The following CMIP variants were observed in gnomAD, a reference collection of about 807,000 sequenced individuals.
CMIP encodes C-Maf-inducing protein.
A neutral mutation model predicts 97.3 loss-of-function variants in CMIP; 13 were observed. The observed-to-expected ratio is 0.13, with a 90% CI of 0.09 to 0.21. The LOEUF (loss-of-function observed/expected upper bound fraction) is 0.21, where lower values mean the gene tolerates loss of function less well. Among genes scored for constraint, CMIP ranks in the 10% least tolerant of loss-of-function variants. The pLI is 1.00. For missense variants in CMIP, 847 were observed against 1,024.9 expected (o/e 0.83, Z 2.37); for synonymous variants, 538 against 436.3 (o/e 1.23, Z -2.91).
Position 81,696,635 on chromosome 16 carries a change from T to C in CMIP, c.1606T>C (p.Cys536Arg). ...GCTCTACAGCCCCGGAGGGGTGGCC[T>C]GCGACGATGACGGGGAGCTGTTCGC... ...FQLYSPGGVACDDDGELFASM... is the reference protein window; with the variant it reads ...FQLYSPGGVARDDDGELFASM... Residue 536 changes from cysteine (C) to arginine (R), a missense_variant, in exon 14 of 21, where the codon TGC (cysteine) becomes CGC (arginine). Cys to Arg is a radical substitution (Grantham distance 180). Transcript: ENST00000537098. 6.2e-7 allele frequency: 1 copy of C among 1,607,130 alleles called. No individual in the cohort carries two copies.
rs566945939 is a variant in CMIP, at chr16:81,545,084, C to G, written c.301-62483C>G. Among the ~76,000 whole-genome samples, 361 of 152,274 alleles carry G rather than the reference C, an allele frequency of 2.4e-3. 2 individuals carry two copies. The highest frequency in any genetic ancestry group is 3.7e-3 in the Non-Finnish European group (252 of 68,016). The stretch of plus-strand genomic sequence containing the variant: ...GCCCATGATCTTGTAAACTCCTAGA[C>G]TCCTAGAAGATGCCAGGCCCACAGC... On this transcript the variant is annotated intron_variant, in intron 1 of 20. Coordinates refer to ENST00000537098, the MANE Select transcript of CMIP (RefSeq NM_198390.3).
In CMIP at chr16:81,564,095, C is replaced by T. The variant is rs148905330; in HGVS notation, c.301-43472C>T. Among the ~76,000 whole-genome samples, 871 of 152,352 alleles carry T rather than the reference C, an allele frequency of 5.7e-3. 7 individuals carry two copies. Among genetic ancestry groups the T allele is most frequent in the Non-Finnish European group, 9.8e-3 (668 of 68,028 alleles). On this transcript the variant is annotated intron_variant, in intron 1 of 20. Transcript: ENST00000537098. ...TGATATATGTGGTCTGAAAAAGCCA[C>T]TGGGGCAGGTAGGACAGAAGCAGGT...
intron 3 of CMIP, among the ~76,000 whole-genome samples, chr16:81,647,763 T>A (rs1453309189): frequency 6.6e-6 from 1 of 152,042 alleles, no homozygotes; most frequent in Admixed American, 6.5e-5. Context: ...TGAGGCATGC[T>A]AATTTGTCAC....
In CMIP at chr16:81,583,178, G is replaced by A. The variant is rs555217098; in HGVS notation, c.301-24389G>A. ...GAAGGAATTGTTCCTGGGGTTGCAA[G>A]GGAGTTGCTGCCAACATCTGGCCTG... On this transcript the variant is annotated intron_variant, in intron 1 of 20. Transcript: ENST00000537098. 9.3e-4 allele frequency among the ~76,000 whole-genome samples: 142 copies of A among 152,346 alleles called. 1 individual carries two copies. The highest frequency in any genetic ancestry group is 3.4e-3 in the African/African-American group (141 of 41,588).
At chr16:81,493,812 A>C (rs1287159190) in intron 1 of CMIP, among the ~76,000 whole-genome samples, 1 of 152,208 alleles carries the variant, frequency 6.6e-6, no homozygotes, top group Non-Finnish European at 1.5e-5. Flanking sequence ...CTGCTGGCTC[A>C]CACAGCAGCC....
intron 1 of CMIP, among the ~76,000 whole-genome samples, chr16:81,534,294 C>G (rs1364358347): frequency 6.6e-6 from 1 of 152,150 alleles, no homozygotes; most frequent in Non-Finnish European, 1.5e-5. Flanking sequence ...ATTCACTGCC[C>G]TCATTTTATG....
intron 1 of CMIP, 53 bp from the exon 2 acceptor site, chr16:81,607,514 A>ATGCC: frequency 1.9e-6 from 3 of 1,598,084 alleles, no homozygotes; most frequent in Non-Finnish European, 2.6e-6. Context: ...TGCGGACGTC[A>ATGCC]TGCCTGCTAC....
At chr16:81,477,628 A>G (rs973955188) in intron 1 of CMIP, among the ~76,000 whole-genome samples, 1 of 152,224 alleles carries the variant, frequency 6.6e-6, no homozygotes, top group African/African-American at 2.4e-5. Flanking sequence ...ATCATATAAT[A>G]TTTAAAAATG....
intron 1 of CMIP, among the ~76,000 whole-genome samples, chr16:81,584,715 A>T (rs1334838980): frequency 1.1e-4 from 16 of 152,148 alleles, no homozygotes; most frequent in Admixed American, 7.9e-4. Flanking sequence ...AATTATCAAC[A>T]CATCGTGAGA....
chr16:81,508,781 T>A (rs950729732), intron 1 of CMIP, among the ~76,000 whole-genome samples: 6 of 152,230 alleles, frequency 3.9e-5, no homozygotes, highest in Non-Finnish European at 7.3e-5. Flanking sequence ...CAGAATGATC[T>A]GATCATGCCT....
intron 1 of CMIP, among the ~76,000 whole-genome samples, chr16:81,587,264 C>T (rs953550440): frequency 6.6e-6 from 1 of 152,232 alleles, no homozygotes. Context: ...TCTGATGGGG[C>T]CGCCCATTCC....
Position 81,620,737 on chromosome 16 carries a change from TC to T in CMIP, c.427-138del. On this transcript the variant is annotated intron_variant, in intron 2 of 20. Coordinates refer to ENST00000537098, the MANE Select transcript of CMIP (RefSeq NM_198390.3). ...CACACAACAGGCTCAGCTTAGCATA[TC>T]TTTCAGCAGGCTTGTTAGGGTCACA... is the stretch of plus-strand genomic sequence containing the variant. 3 of 964,040 alleles carry T rather than the reference TC, an allele frequency of 3.1e-6. 1 individual carries two copies. The South Asian group carries it at 4.9e-5, about 16-fold the overall frequency. 59.7% of individuals were successfully genotyped at this position (964,040 alleles called of 1,614,324 possible).
intron 1 of CMIP, among the ~76,000 whole-genome samples, chr16:81,477,458 G>A (rs931511920): frequency 2.6e-5 from 4 of 152,184 alleles, no homozygotes; most frequent in African/African-American, 7.2e-5. Context: ...ACCGCACCTA[G>A]CCTGAATTCT....
chr16:81,546,709 ATCAT>A (rs1216399854), intron 1 of CMIP, among the ~76,000 whole-genome samples: 2 of 152,162 alleles, frequency 1.3e-5, no homozygotes, highest in East Asian at 1.9e-4. Flanking sequence ...CTGTTCACTC[ATCAT>A]TCATTCATTC....
chr16:81,650,503 C>T (rs749244301), intron 3 of CMIP, among the ~76,000 whole-genome samples: 18 of 151,518 alleles, frequency 1.2e-4, no homozygotes, highest in Non-Finnish European at 1.9e-4. Context: ...GAATGAAAAC[C>T]GTCTTTGGTG....
At position 81,707,137 on chromosome 16, in the gene CMIP, C is replaced by G; in HGVS notation, c.2268+53C>G. On this transcript the variant is annotated intron_variant, in intron 20 of 20. Transcript: ENST00000537098. ...CTCCCCTCCTTCTTCTAGCCAGCAT[C>G]TGGATGCTGGTGCATCTCCTGCACA... The G allele has an allele frequency of 3.4e-6, 5 of 1,475,576 alleles. 1 individual carries two copies. The South Asian group carries it at 4.5e-5, about 13-fold the overall frequency. 91.4% of individuals were successfully genotyped at this position (1,475,576 alleles called of 1,614,324 possible). A position where few individuals can be genotyped will look rare whatever the true frequency, so the allele number is the denominator to read the frequency against.
intron 1 of CMIP, among the ~76,000 whole-genome samples, chr16:81,465,058 TGG>T (rs1469956539): frequency 1.3e-5 from 2 of 152,250 alleles, no homozygotes. Context: ...TTGGTTCTTT[TGG>T]ATATACATCT....
intron 1 of CMIP, among the ~76,000 whole-genome samples, chr16:81,565,566 C>T (rs1325197368): frequency 6.6e-6 from 1 of 152,222 alleles, no homozygotes; most frequent in South Asian, 2.1e-4. Context: ...TATCGGTGGG[C>T]TCAGGCAGAT....
intron 1 of CMIP, among the ~76,000 whole-genome samples, chr16:81,591,199 A>T (rs1353448387): frequency 6.6e-6 from 1 of 152,190 alleles, no homozygotes; most frequent in Non-Finnish European, 1.5e-5. Flanking sequence ...CATCTATAAA[A>T]TGGGATCATA....
Sources: gnomAD v4.1 joint callset for allele counts (sites outside exome capture counted in the v4.1 genomes callset) on GRCh38, gnomAD v4.1.1 for gene constraint, MANE v1.5 for transcripts, NCBI Gene and HGNC (gene_info 2026-07-23, HGNC 2026-07-21) for gene names.